Variants in SLIT3 observed in about 807,000 individuals in gnomAD.
SLIT3 encodes slit homolog 3 protein.
A neutral mutation model predicts 184.0 loss-of-function variants in SLIT3; 68 were observed. The ratio of observed to expected loss-of-function variants is 0.37; its 90% CI spans 0.30 to 0.45. The LOEUF (loss-of-function observed/expected upper bound fraction) is 0.45, where lower values mean the gene tolerates loss of function less well. Among genes scored for constraint, SLIT3 ranks in the 20% least tolerant of loss-of-function variants. The pLI is 1.00. For missense variants in SLIT3, 1,707 were observed against 2,026.0 expected, an observed-to-expected ratio of 0.84 and a Z score of 3.02; for synonymous variants, 831 against 828.6, an observed-to-expected ratio of 1.00 and a Z score of -0.05.
At chr5:168,814,077 G>A (rs187494599) in intron 8 of SLIT3, among the ~76,000 whole-genome samples, 28 of 152,216 alleles carry the variant, frequency 1.8e-4, no homozygotes, top group African/African-American at 6.3e-4. Context: ...CTTGAATGAG[G>A]GGCATTTGGG....
intron 4 of SLIT3, among the ~76,000 whole-genome samples, chr5:169,036,826 G>A (rs764182955): frequency 6.6e-5 from 10 of 152,142 alleles, no homozygotes; most frequent in Non-Finnish European, 1.0e-4. Context: ...GATTTCACTC[G>A]GTATTAAGTT....
At chr5:169,058,517 A>G (rs1489070522) in intron 4 of SLIT3, among the ~76,000 whole-genome samples, 1 of 152,210 alleles carries the variant, frequency 6.6e-6, no homozygotes, top group Admixed American at 6.5e-5. Context: ...CTGATATATG[A>G]GATATAGAAA....
chr5:168,755,382 TGCC>T (rs1290298742), intron 16 of SLIT3, among the ~76,000 whole-genome samples: 1 of 150,322 alleles, frequency 6.7e-6, no homozygotes, highest in Non-Finnish European at 1.5e-5. Flanking sequence ...AAACCCTCAG[TGCC>T]GCCATTTCTT....
chr5:169,254,248 A>T (rs1360464292), intron 1 of SLIT3, among the ~76,000 whole-genome samples: 1 of 152,162 alleles, frequency 6.6e-6, no homozygotes, highest in Non-Finnish European at 1.5e-5. Flanking sequence ...AATGGATTAC[A>T]CTGACCCTGA....
intron 4 of SLIT3, among the ~76,000 whole-genome samples, chr5:168,922,073 T>C (rs996779818): frequency 1.3e-5 from 2 of 152,182 alleles, no homozygotes; most frequent in Non-Finnish European, 2.9e-5. Context: ...AAACTGAGGC[T>C]CTGAGAAGTA....
chr5:168,723,309 C>T (rs977731110), intron 21 of SLIT3, among the ~76,000 whole-genome samples: 8 of 151,806 alleles, frequency 5.3e-5, no homozygotes, highest in African/African-American at 1.7e-4. Flanking sequence ...CCTGCCTGCC[C>T]ATCCATCCAT....
At chr5:168,748,874 C>A (rs1486105101) in intron 19 of SLIT3, among the ~76,000 whole-genome samples, 1 of 152,122 alleles carries the variant, frequency 6.6e-6, no homozygotes. Flanking sequence ...TCTAGATAAC[C>A]CAAAGTTGAT....
intron 4 of SLIT3, among the ~76,000 whole-genome samples, chr5:168,997,159 C>T (rs554962931): frequency 5.9e-5 from 9 of 152,272 alleles, no homozygotes; most frequent in African/African-American, 1.4e-4. Context: ...CTAAGAGCGA[C>T]ACCTGTACCT....
chr5:169,221,867 T>G (rs1764629048), intron 3 of SLIT3, among the ~76,000 whole-genome samples: 1 of 152,234 alleles, frequency 6.6e-6, no homozygotes, highest in African/African-American at 2.4e-5. Flanking sequence ...TTGCAGAGAT[T>G]GCTTTACATC....
rs147575395 is a variant in SLIT3 at position 168,830,276 on chromosome 5, C to T, written c.558-6945G>A. Among the ~76,000 whole-genome samples, 781 of 152,276 alleles carry T rather than the reference C, an allele frequency of 5.1e-3. 13 individuals carry two copies. Among genetic ancestry groups the T allele is most frequent in the African/African-American group, 0.017 (724 of 41,564 alleles). On this transcript the variant is annotated intron_variant, in intron 6 of 35. Coordinates refer to ENST00000519560, the MANE Select transcript of SLIT3 (RefSeq NM_003062.4). The stretch of plus-strand genomic sequence containing the variant: ...CCCAGGGCCTCCATCCTCAGCACCT[C>T]CTCCTAAGTACGCTATCATTTTTAA...
intron 7 of SLIT3, among the ~76,000 whole-genome samples, chr5:168,819,161 C>T (rs75519367): frequency 6.6e-6 from 1 of 152,216 alleles, no homozygotes; most frequent in East Asian, 1.9e-4. Context: ...TTGCTCTTCG[C>T]CTGGACTCTG....
rs1380570739 is a variant in SLIT3, at chr5:168,753,875, G to A, written c.1818C>T (p.Gly606=). The A allele has an allele frequency of 3.7e-6, 6 of 1,610,774 alleles. No individual in the cohort carries two copies. The highest frequency in any genetic ancestry group is 1.7e-5 in the Admixed American group (1 of 60,026). Residue 606 remains glycine (G), a synonymous_variant, in exon 17 of 36, where the codon GGC becomes GGT. Transcript: ENST00000519560. ...CCCCAGGCACTCACAAGGTTTTGAG[G>A]CCACTGAGGCCACGGAACACGCGCC... ...VHGRVFRGLS[G]LKTLMLRSNL...
intron 23 of SLIT3, chr5:168,717,945 C>A (rs1310172848): frequency 6.6e-6 from 1 of 152,192 alleles, no homozygotes; most frequent in African/African-American, 2.4e-5. Flanking sequence ...CAGGCATGAA[C>A]CACCGTACCC....
At chr5:168,686,834 G>T in intron 30 of SLIT3, 145 bp downstream of exon 30, 3 of 850,522 alleles carry the variant, frequency 3.5e-6, no homozygotes, top group South Asian at 3.3e-5. Flanking sequence ...GACTGCAAAG[G>T]TATCAGGGGA....
intron 4 of SLIT3, among the ~76,000 whole-genome samples, 163 bp from the exon 5 acceptor site, chr5:168,883,499 T>C (rs1394778230): frequency 6.6e-6 from 1 of 152,194 alleles, no homozygotes; most frequent in Non-Finnish European, 1.5e-5. Context: ...AGCATTCACA[T>C]TGTTCTTCAA....
intron 2 of SLIT3, 104 bp downstream of exon 2, chr5:169,251,284 G>C (rs1765765291): frequency 1.3e-6 from 1 of 793,776 alleles, no homozygotes; most frequent in Non-Finnish European, 2.3e-6. Flanking sequence ...GTGAATTCCT[G>C]TTGTCCAGGG....
At chr5:168,903,613 G>T (rs570324103) in intron 4 of SLIT3, among the ~76,000 whole-genome samples, 1 of 152,114 alleles carries the variant, frequency 6.6e-6, no homozygotes, top group Non-Finnish European at 1.5e-5. Flanking sequence ...GGGGCAGCAG[G>T]GTCTTCAGGA....
chr5:169,142,414 T>TA (rs1761778614), intron 4 of SLIT3, among the ~76,000 whole-genome samples: 1 of 152,206 alleles, frequency 6.6e-6, no homozygotes, highest in Admixed American at 6.5e-5. Flanking sequence ...GCTGACTCCA[T>TA]AATCAGCTTC....
At position 169,100,382 on chromosome 5, in the gene SLIT3, C is replaced by T. The variant is rs1046628790; in HGVS notation, c.413+93097G>A. Among the ~76,000 whole-genome samples, 5 of 152,232 alleles carry T rather than the reference C, an allele frequency of 3.3e-5. 1 individual carries two copies. In the Middle Eastern group the frequency reaches 0.017, roughly 518 times the overall value. Reference sequence around the variant, plus strand: ...AAGTCCTTCAAACTAGATGAGGCTTCGTTTACCTATTAGTCAAATGGGGAA... The same window carrying T: ...AAGTCCTTCAAACTAGATGAGGCTTTGTTTACCTATTAGTCAAATGGGGAA... On this transcript the variant is annotated intron_variant, in intron 4 of 35. Coordinates refer to ENST00000519560, the MANE Select transcript of SLIT3 (RefSeq NM_003062.4).
Sources: gnomAD v4.1 joint callset for allele counts (sites outside exome capture counted in the v4.1 genomes callset) on GRCh38, gnomAD v4.1.1 for gene constraint, MANE v1.5 for transcripts, NCBI Gene and HGNC (gene_info 2026-07-23, HGNC 2026-07-21) for gene names.